HINT3: variants seen among roughly 807,000 people sequenced by gnomAD.
HINT3 encodes the protein adenosine 5'-monophosphoramidase HINT3.
HINT3 carries 16 observed loss-of-function variants against 19.1 expected under a neutral mutation model. The observed-to-expected ratio is 0.84, with a 90% CI of 0.57 to 1.27. The LOEUF is 1.27. HINT3 is among the 50% of genes most tolerant of loss of function. The pLI, the probability that HINT3 is intolerant of heterozygous loss-of-function variation, is 0.00. For synonymous variants in HINT3, 75 were observed against 84.8 expected, an observed-to-expected ratio of 0.88 and a Z score of 0.63; for missense variants, 197 against 225.8, an observed-to-expected ratio of 0.87 and a Z score of 0.82.
chr6:125,959,634 C>T (rs1788889391), intron 1 of HINT3, among the ~76,000 whole-genome samples: 2 of 152,176 alleles, frequency 1.3e-5, no homozygotes, highest in South Asian at 2.1e-4. Context: ...CAAATACAGA[C>T]AACTCTCACA....
At chr6:125,972,861 G>A (rs917200354) in intron 3 of HINT3, among the ~76,000 whole-genome samples, 1 of 151,822 alleles carries the variant, frequency 6.6e-6, no homozygotes, top group African/African-American at 2.4e-5. Context: ...CAAGTTCTGG[G>A]ATTACAGGTG....
intron 2 of HINT3, among the ~76,000 whole-genome samples, chr6:125,968,610 A>G (rs1331022551): frequency 2.0e-5 from 3 of 152,216 alleles, no homozygotes; most frequent in Non-Finnish European, 4.4e-5. Flanking sequence ...CAGTGGCTGA[A>G]CTAATTTACA....
At chr6:125,960,672 A>AGGGG (rs1395716444) in intron 1 of HINT3, among the ~76,000 whole-genome samples, 14 of 83,518 alleles carry the variant, frequency 1.7e-4, no homozygotes, top group South Asian at 1.2e-3. Flanking sequence ...GGGGAAAAAA[A>AGGGG]AAGAAGTTAG....
At chr6:125,972,374 T>C in intron 3 of HINT3, 46 bp downstream of exon 3, 1 of 1,139,274 alleles carries the variant, frequency 8.8e-7, no homozygotes, top group Non-Finnish European at 1.2e-6. Context: ...ATTATTGACG[T>C]TTTTCAAAAT....
chr6:125,966,005 T>C (rs4613842), intron 1 of HINT3, among the ~76,000 whole-genome samples: 150,842 of 152,316 alleles, frequency 0.99, 74,692 homozygotes, highest in East Asian at 1. Context: ...AGAGAACTAT[T>C]GAGCAGCATT....
At chr6:125,962,285 TACAC>T (rs1211157879) in intron 1 of HINT3, among the ~76,000 whole-genome samples, 3,528 of 28,760 alleles carry the variant, frequency 0.12, 486 homozygotes, top group East Asian at 0.52. Context: ...CATATATATA[TACAC>T]ATATATATAT....
At chr6:125,959,790 C>T (rs777122076) in intron 1 of HINT3, among the ~76,000 whole-genome samples, 1 of 152,140 alleles carries the variant, frequency 6.6e-6, no homozygotes, top group Non-Finnish European at 1.5e-5. Context: ...TTTAAAATGG[C>T]CCGGCGGGTA....
At chr6:125,966,768 T>A (rs1789023231) in intron 1 of HINT3, 119 bp from the exon 2 acceptor site, 1 of 591,984 alleles carries the variant, frequency 1.7e-6, no homozygotes, top group Admixed American at 3.4e-5. Flanking sequence ...CCAGTGGGGG[T>A]TAGGTGTAAC....
chr6:125,975,581 G>GTTTTTTTTTTTTTTTTTTTTTT (rs149094456), intron 4 of HINT3, among the ~76,000 whole-genome samples: 1 of 143,616 alleles, frequency 7.0e-6, no homozygotes. Context: ...TGGCTGAAGA[G>GTTTTTTTTTTTTTTTTTTTTTT]TTGTTTTTTT....
chr6:125,970,028 G>T (rs778651369), intron 2 of HINT3, among the ~76,000 whole-genome samples: 8 of 152,050 alleles, frequency 5.3e-5, no homozygotes, highest in Non-Finnish European at 1.0e-4. Flanking sequence ...GAAAGGCTTT[G>T]TCATGAGGTT....
chr6:125,972,276 G>C lies in HINT3; in HGVS notation c.337G>C (p.Val113Leu), dbSNP rs769916214. ...TTTTACAGTTGAGAACATGGTAACT[G>C]TTGGAAAAACCATTCTTGAAAGAAA... ...QVELVENMVT[V>L]GKTILERNNF... The change falls in exon 3 of 5, where the codon GTT becomes CTT. Residue 113 changes from valine to leucine, a missense_variant. Coordinates refer to ENST00000229633, the MANE Select transcript of HINT3 (RefSeq NM_138571.5). The C allele has an allele frequency of 1.4e-5, 22 of 1,581,134 alleles. No individual in the cohort carries two copies. The highest frequency in any genetic ancestry group is 1.9e-5 in the Non-Finnish European group (22 of 1,166,586).
At chr6:125,974,222 T>C (rs573361243) in intron 3 of HINT3, among the ~76,000 whole-genome samples, 9 of 152,316 alleles carry the variant, frequency 5.9e-5, no homozygotes, top group Admixed American at 1.3e-4. Context: ...AGAGTTTAAA[T>C]CATATTTTAA....
rs934294744 is a variant in HINT3, at chr6:125,957,289, C to G, written c.201+111C>G. On this transcript the variant is annotated intron_variant, in intron 1 of 4. Coordinates refer to ENST00000229633, the MANE Select transcript of HINT3 (RefSeq NM_138571.5). ...GGTGCAGAGGATCCCGATCGCTACT[C>G]AGCTCGCAGAGGCAGGGCCGCTCTG... The G allele has an allele frequency of 3.4e-6, 4 of 1,189,486 alleles. No individual in the cohort carries two copies. In the Admixed American group the frequency reaches 1.0e-4, roughly 30 times the overall value. The allele number at this position is 1,189,486 out of a possible 1,614,324, so 73.7% of individuals were successfully genotyped here.
At chr6:125,970,896 C>CT (rs1232594578) in intron 2 of HINT3, among the ~76,000 whole-genome samples, 1 of 151,760 alleles carries the variant, frequency 6.6e-6, no homozygotes, top group Admixed American at 6.6e-5. Flanking sequence ...TAATTTGGAG[C>CT]TTTTTTTTGG....
chr6:125,973,943 C>T (rs534461682), intron 3 of HINT3, among the ~76,000 whole-genome samples: 3 of 152,272 alleles, frequency 2.0e-5, no homozygotes, highest in South Asian at 4.2e-4. Flanking sequence ...TTTGATTCTA[C>T]ATTATATGAC....
intron 4 of HINT3, 77 bp downstream of exon 4, chr6:125,975,050 A>T: frequency 1.4e-6 from 2 of 1,399,090 alleles, no homozygotes; most frequent in Non-Finnish European, 2.0e-6. Flanking sequence ...TCTTCTCAAC[A>T]GTAGGCACTT....
At chr6:125,970,175 A>G (rs1207653306) in intron 2 of HINT3, among the ~76,000 whole-genome samples, 3 of 152,186 alleles carry the variant, frequency 2.0e-5, no homozygotes, top group African/African-American at 7.2e-5. Context: ...TGAATTAACT[A>G]ACAATTTTTA....
intron 2 of HINT3, among the ~76,000 whole-genome samples, chr6:125,969,092 A>G (rs1789060385): frequency 2.0e-5 from 3 of 152,176 alleles, no homozygotes; most frequent in African/African-American, 7.2e-5. Context: ...GCTGATGTCC[A>G]GAATGGTGTT....
intron 1 of HINT3, among the ~76,000 whole-genome samples, chr6:125,957,810 C>G (rs905718763): frequency 2.0e-5 from 3 of 152,190 alleles, no homozygotes; most frequent in Non-Finnish European, 4.4e-5. Flanking sequence ...CTGGCACACA[C>G]TTTATTCTGT....
Sources: allele counts gnomAD v4.1 joint callset (sites outside exome capture counted in the v4.1 genomes callset), GRCh38; gene constraint gnomAD v4.1.1; transcripts MANE v1.5; gene names NCBI Gene and HGNC (gene_info 2026-07-23, HGNC 2026-07-21).